Variants in TERC observed in about 807,000 individuals in gnomAD.
TERC encodes the protein telomerase RNA component, also known as small Cajal body-specific RNA 19.
At position 169,764,779 on chromosome 3, in the gene TERC, C is replaced by A; in HGVS notation, n.282G>T. ...AACTCTTCGCGGTGGCAGTGGGTGCCTCCGGAGAAGCCCCGGGCCGACCGC... is the reference window on the plus strand; with the variant it reads ...AACTCTTCGCGGTGGCAGTGGGTGCATCCGGAGAAGCCCCGGGCCGACCGC... On this transcript the variant is annotated non_coding_transcript_exon_variant, in exon 1 of 1. Transcript: ENST00000602385. The surrounding 1 kb of genome is among the most constrained non-coding windows in gnomAD (Gnocchi z 4.3). The A allele has an allele frequency of 2.7e-6, 2 of 741,676 alleles. No individual in the cohort carries two copies. Among genetic ancestry groups the A allele is most frequent in the Middle Eastern group, 2.4e-4 (1 of 4,208 alleles). The allele number at this position is 741,676 out of a possible 1,614,324, so 45.9% of individuals were successfully genotyped here. A position where few individuals can be genotyped will look rare whatever the true frequency, so the allele number is the denominator to read the frequency against.
rs1415109076 is a variant in TERC, at chr3:169,764,666, C to A, written n.395G>T. On this transcript the variant is annotated non_coding_transcript_exon_variant, in exon 1 of 1. Transcript: ENST00000602385. This position sits in a 1 kb window ranked among gnomAD's most constrained non-coding sequence, Gnocchi z 4.3. The stretch of plus-strand genomic sequence containing the variant: ...CCACAGCTCAGGGAATCGCGCCGCG[C>A]GCGGGGACTCGCTCCGTTCCTCTTC... The A allele has an allele frequency of 4.0e-6, 3 of 752,130 alleles. No individual in the cohort carries two copies. The highest frequency in any genetic ancestry group is 1.4e-5 in the South Asian group (1 of 73,832). The allele number at this position is 752,130 out of a possible 1,614,324, so 46.6% of individuals were successfully genotyped here. A position where few individuals can be genotyped will look rare whatever the true frequency, so the allele number is the denominator to read the frequency against.
rs199422261 is a variant in TERC, at chr3:169,765,024, T to C, written n.37A>G. 5.4e-5 allele frequency: 41 copies of C among 765,108 alleles called. No individual in the cohort carries two copies. Among genetic ancestry groups the C allele is most frequent in the African/African-American group, 1.0e-4 (6 of 59,134 alleles). 47.4% of individuals were successfully genotyped at this position (765,108 alleles called of 1,614,324 possible). A position where few individuals can be genotyped will look rare whatever the true frequency, so the allele number is the denominator to read the frequency against. On this transcript the variant is annotated non_coding_transcript_exon_variant, in exon 1 of 1. Coordinates refer to ENST00000602385, the Ensembl canonical transcript of TERC. ...TTCTCAGTTAGGGTTAGACAAAAAATGGCCACCACCCCTCCCAGGCCCACC... is the reference window on the plus strand; with the variant it reads ...TTCTCAGTTAGGGTTAGACAAAAAACGGCCACCACCCCTCCCAGGCCCACC...
In TERC at chr3:169,765,043, G is replaced by T; in HGVS notation, n.18C>A. The stretch of plus-strand genomic sequence containing the variant: ...AAAAAATGGCCACCACCCCTCCCAG[G>T]CCCACCCTCCGCAACCCGGTGCGCT... On this transcript the variant is annotated non_coding_transcript_exon_variant, in exon 1 of 1. Coordinates refer to ENST00000602385, the Ensembl canonical transcript of TERC. 1 of 764,876 alleles carries T rather than the reference G, an allele frequency of 1.3e-6. No individual in the cohort carries two copies. The highest frequency in any genetic ancestry group is 2.4e-5 in the East Asian group (1 of 41,228). 47.4% of individuals were successfully genotyped at this position (764,876 alleles called of 1,614,324 possible).
rs1336050074 is a variant in TERC at position 169,765,032 on chromosome 3, A to T, written n.29T>A. On this transcript the variant is annotated non_coding_transcript_exon_variant, in exon 1 of 1. Transcript: ENST00000602385. Reference sequence around the variant, plus strand: ...TAGGGTTAGACAAAAAATGGCCACCACCCCTCCCAGGCCCACCCTCCGCAA... The same window carrying T: ...TAGGGTTAGACAAAAAATGGCCACCTCCCCTCCCAGGCCCACCCTCCGCAA... The T allele has an allele frequency of 2.6e-6, 2 of 764,406 alleles. No homozygotes were observed. The highest frequency in any genetic ancestry group is 4.8e-6 in the Non-Finnish European group (2 of 417,614). The allele number at this position is 764,406 out of a possible 1,614,324, so 47.4% of individuals were successfully genotyped here.
In TERC at chr3:169,764,723, G is replaced by A. The variant is rs935100722; in HGVS notation, n.338C>T. 1 of 756,070 alleles carries A rather than the reference G, an allele frequency of 1.3e-6. No individual in the cohort carries two copies. Among genetic ancestry groups the A allele is most frequent in the East Asian group, 2.5e-5 (1 of 40,708 alleles). 46.8% of individuals were successfully genotyped at this position (756,070 alleles called of 1,614,324 possible). On this transcript the variant is annotated non_coding_transcript_exon_variant, in exon 1 of 1. Coordinates refer to ENST00000602385, the Ensembl canonical transcript of TERC. The surrounding 1 kb of genome is among the most constrained non-coding windows in gnomAD (Gnocchi z 4.3). ...CCTGAAAGGCCTGAACCTCGCCCTC[G>A]CCCCCGAGAGACCCGCGGCTGACAG...
Position 169,765,030 on chromosome 3 carries a change from C to T in TERC, n.31G>A, listed in dbSNP as rs1446625124. Reference sequence around the variant, plus strand: ...GTTAGGGTTAGACAAAAAATGGCCACCACCCCTCCCAGGCCCACCCTCCGC... The same window carrying T: ...GTTAGGGTTAGACAAAAAATGGCCATCACCCCTCCCAGGCCCACCCTCCGC... On this transcript the variant is annotated non_coding_transcript_exon_variant, in exon 1 of 1. Transcript: ENST00000602385. 1 of 765,178 alleles carries T rather than the reference C, an allele frequency of 1.3e-6. No homozygotes were observed. Among genetic ancestry groups the T allele is most frequent in the South Asian group, 1.3e-5 (1 of 74,614 alleles). The allele number at this position is 765,178 out of a possible 1,614,324, so 47.4% of individuals were successfully genotyped here.
rs767519425 is a variant in TERC at position 169,764,664 on chromosome 3, C to G, written n.397G>C. On this transcript the variant is annotated non_coding_transcript_exon_variant, in exon 1 of 1. Transcript: ENST00000602385. The surrounding 1 kb of genome is among the most constrained non-coding windows in gnomAD (Gnocchi z 4.3). Reference sequence around the variant, plus strand: ...TCCCACAGCTCAGGGAATCGCGCCGCGCGCGGGGACTCGCTCCGTTCCTCT... The same window carrying G: ...TCCCACAGCTCAGGGAATCGCGCCGGGCGCGGGGACTCGCTCCGTTCCTCT... The G allele has an allele frequency of 5.3e-6, 4 of 751,568 alleles. No homozygotes were observed. The highest frequency in any genetic ancestry group is 9.8e-6 in the Non-Finnish European group (4 of 409,886). 46.6% of individuals were successfully genotyped at this position (751,568 alleles called of 1,614,324 possible). A position where few individuals can be genotyped will look rare whatever the true frequency, so the allele number is the denominator to read the frequency against.
In TERC at chr3:169,764,707, C is replaced by A; in HGVS notation, n.354G>T. 1.3e-6 allele frequency: 1 copy of A among 761,108 alleles called. No individual in the cohort carries two copies. The allele number at this position is 761,108 out of a possible 1,614,324, so 47.1% of individuals were successfully genotyped here. A position where few individuals can be genotyped will look rare whatever the true frequency, so the allele number is the denominator to read the frequency against. On this transcript the variant is annotated non_coding_transcript_exon_variant, in exon 1 of 1. Transcript: ENST00000602385. This position sits in a 1 kb window ranked among gnomAD's most constrained non-coding sequence, Gnocchi z 4.3. Reference sequence around the variant, plus strand: ...GTTCCTCTTCCTGCGGCCTGAAAGGCCTGAACCTCGCCCTCGCCCCCGAGA... The same window carrying A: ...GTTCCTCTTCCTGCGGCCTGAAAGGACTGAACCTCGCCCTCGCCCCCGAGA...
At position 169,764,901 on chromosome 3, in the gene TERC, G is replaced by A. The variant is rs747522689; in HGVS notation, n.160C>T. 1.0e-5 allele frequency: 8 copies of A among 764,998 alleles called. No individual in the cohort carries two copies. Among genetic ancestry groups the A allele is most frequent in the South Asian group, 9.4e-5 (7 of 74,580 alleles). The allele number at this position is 764,998 out of a possible 1,614,324, so 47.4% of individuals were successfully genotyped here. ...CAGCTGACATTTTTTGTTTGCTCTA[G>A]AATGAACGGTGGAAGGCGGCAGGCC... On this transcript the variant is annotated non_coding_transcript_exon_variant, in exon 1 of 1. Transcript: ENST00000602385. The surrounding 1 kb of genome is among the most constrained non-coding windows in gnomAD (Gnocchi z 4.3).
chr3:169,764,807 C>A lies in TERC; in HGVS notation n.254G>T. The A allele has an allele frequency of 1.4e-6, 1 of 730,340 alleles. No homozygotes were observed. Among genetic ancestry groups the A allele is most frequent in the Admixed American group, 1.9e-5 (1 of 53,462 alleles). The allele number at this position is 730,340 out of a possible 1,614,324, so 45.2% of individuals were successfully genotyped here. On this transcript the variant is annotated non_coding_transcript_exon_variant, in exon 1 of 1. Coordinates refer to ENST00000602385, the Ensembl canonical transcript of TERC. The surrounding 1 kb of genome is among the most constrained non-coding windows in gnomAD (Gnocchi z 4.3). ...CGGAGAAGCCCCGGGCCGACCGCGGCCTCCAGGCGGGGTTCGGGGGCTGGG... is the reference window on the plus strand; with the variant it reads ...CGGAGAAGCCCCGGGCCGACCGCGGACTCCAGGCGGGGTTCGGGGGCTGGG...
At position 169,765,003 on chromosome 3, in the gene TERC, C is replaced by T. The variant is rs113487931; in HGVS notation, n.58G>A. On this transcript the variant is annotated non_coding_transcript_exon_variant, in exon 1 of 1. Transcript: ENST00000602385. The stretch of plus-strand genomic sequence containing the variant: ...AAAAGCACGGCGCCTACGCCCTTCT[C>T]AGTTAGGGTTAGACAAAAAATGGCC... 4.8e-3 allele frequency: 3,665 copies of T among 765,446 alleles called. 76 individuals are homozygous for T. In the African/African-American group the frequency reaches 0.055, roughly 12 times the overall value. 47.4% of individuals were successfully genotyped at this position (765,446 alleles called of 1,614,324 possible).
At position 169,764,645 on chromosome 3, in the gene TERC, A is replaced by G. The variant is rs1777957257; in HGVS notation, n.416T>C. 2 of 738,592 alleles carry G rather than the reference A, an allele frequency of 2.7e-6. No homozygotes were observed. The highest frequency in any genetic ancestry group is 1.8e-5 in the Admixed American group (1 of 55,494). 45.8% of individuals were successfully genotyped at this position (738,592 alleles called of 1,614,324 possible). A position where few individuals can be genotyped will look rare whatever the true frequency, so the allele number is the denominator to read the frequency against. ...GCCGAGTCCTGGGTGCACGTCCCACAGCTCAGGGAATCGCGCCGCGCGCGG... is the reference window on the plus strand; with the variant it reads ...GCCGAGTCCTGGGTGCACGTCCCACGGCTCAGGGAATCGCGCCGCGCGCGG... On this transcript the variant is annotated non_coding_transcript_exon_variant, in exon 1 of 1. Coordinates refer to ENST00000602385, the Ensembl canonical transcript of TERC. This position sits in a 1 kb window ranked among gnomAD's most constrained non-coding sequence, Gnocchi z 4.3.
In TERC at chr3:169,765,030, C is replaced by G; in HGVS notation, n.31G>C. On this transcript the variant is annotated non_coding_transcript_exon_variant, in exon 1 of 1. Transcript: ENST00000602385. ...GTTAGGGTTAGACAAAAAATGGCCA[C>G]CACCCCTCCCAGGCCCACCCTCCGC... The G allele has an allele frequency of 1.3e-6, 1 of 765,178 alleles. No homozygotes were observed. Among genetic ancestry groups the G allele is most frequent in the Non-Finnish European group, 2.4e-6 (1 of 417,818 alleles). 47.4% of individuals were successfully genotyped at this position (765,178 alleles called of 1,614,324 possible).
At chr3:169,765,057 A>G (rs748304964) in exon 1 of TERC, 4 of 764,308 alleles carry the variant, frequency 5.2e-6, no homozygotes, top group Non-Finnish European at 7.2e-6. Context: ...ACCCTCCGCA[A>G]CCCGGTGCGC....
rs767519425 is a variant in TERC, at chr3:169,764,664, C to T, written n.397G>A. On this transcript the variant is annotated non_coding_transcript_exon_variant, in exon 1 of 1. Transcript: ENST00000602385. The surrounding 1 kb of genome is among the most constrained non-coding windows in gnomAD (Gnocchi z 4.3). ...TCCCACAGCTCAGGGAATCGCGCCG[C>T]GCGCGGGGACTCGCTCCGTTCCTCT... The T allele has an allele frequency of 5.3e-6, 4 of 751,450 alleles. No homozygotes were observed. Among genetic ancestry groups the T allele is most frequent in the Non-Finnish European group, 9.8e-6 (4 of 409,894 alleles). 46.5% of individuals were successfully genotyped at this position (751,450 alleles called of 1,614,324 possible). A position where few individuals can be genotyped will look rare whatever the true frequency, so the allele number is the denominator to read the frequency against.
Position 169,764,777 on chromosome 3 carries a change from G to A in TERC, n.284C>T, listed in dbSNP as rs1577384177. ...CCAACTCTTCGCGGTGGCAGTGGGT[G>A]CCTCCGGAGAAGCCCCGGGCCGACC... On this transcript the variant is annotated non_coding_transcript_exon_variant, in exon 1 of 1. Transcript: ENST00000602385. This position sits in a 1 kb window ranked among gnomAD's most constrained non-coding sequence, Gnocchi z 4.3. 2.7e-6 allele frequency: 2 copies of A among 742,036 alleles called. No individual in the cohort carries two copies. The allele number at this position is 742,036 out of a possible 1,614,324, so 46.0% of individuals were successfully genotyped here.
rs1297308302 is a variant in TERC at position 169,764,766 on chromosome 3, T to G, written n.295A>C. On this transcript the variant is annotated non_coding_transcript_exon_variant, in exon 1 of 1. Coordinates refer to ENST00000602385, the Ensembl canonical transcript of TERC. This position sits in a 1 kb window ranked among gnomAD's most constrained non-coding sequence, Gnocchi z 4.3. ...GCTGACAGAGCCCAACTCTTCGCGG[T>G]GGCAGTGGGTGCCTCCGGAGAAGCC... 1 of 744,644 alleles carries G rather than the reference T, an allele frequency of 1.3e-6. No homozygotes were observed. Among genetic ancestry groups the G allele is most frequent in the South Asian group, 1.4e-5 (1 of 72,298 alleles). The allele number at this position is 744,644 out of a possible 1,614,324, so 46.1% of individuals were successfully genotyped here.
rs777348518 is a variant in TERC at position 169,764,701 on chromosome 3, G to C, written n.360C>G. 7.9e-6 allele frequency: 6 copies of C among 761,258 alleles called. No homozygotes were observed. The highest frequency in any genetic ancestry group is 1.4e-5 in the Non-Finnish European group (6 of 416,206). The allele number at this position is 761,258 out of a possible 1,614,324, so 47.2% of individuals were successfully genotyped here. A position where few individuals can be genotyped will look rare whatever the true frequency, so the allele number is the denominator to read the frequency against. ...CGCTCCGTTCCTCTTCCTGCGGCCT[G>C]AAAGGCCTGAACCTCGCCCTCGCCC... On this transcript the variant is annotated non_coding_transcript_exon_variant, in exon 1 of 1. Coordinates refer to ENST00000602385, the Ensembl canonical transcript of TERC. This position sits in a 1 kb window ranked among gnomAD's most constrained non-coding sequence, Gnocchi z 4.3.
At position 169,765,024 on chromosome 3, in the gene TERC, T is replaced by A. The variant is rs199422261; in HGVS notation, n.37A>T. On this transcript the variant is annotated non_coding_transcript_exon_variant, in exon 1 of 1. Transcript: ENST00000602385. ...TTCTCAGTTAGGGTTAGACAAAAAA[T>A]GGCCACCACCCCTCCCAGGCCCACC... 7.8e-6 allele frequency: 6 copies of A among 765,108 alleles called. No homozygotes were observed. Among genetic ancestry groups the A allele is most frequent in the Admixed American group, 1.7e-5 (1 of 59,018 alleles). The allele number at this position is 765,108 out of a possible 1,614,324, so 47.4% of individuals were successfully genotyped here.
Sources: allele counts gnomAD v4.1 joint callset, GRCh38; gene constraint gnomAD v4.1.1; non-coding constraint Gnocchi (gnomAD v3.1); transcripts MANE v1.5; gene names NCBI Gene and HGNC (gene_info 2026-07-23, HGNC 2026-07-21).